The following PLD5 variants were observed in gnomAD, a reference collection of about 807,000 sequenced individuals.
PLD5 encodes the protein phospholipase D family member 5, also known as inactive phospholipase D5.
A neutral mutation model predicts 61.1 loss-of-function variants in PLD5; 36 were observed. The ratio of observed to expected loss-of-function variants is 0.59; its 90% confidence interval spans 0.45 to 0.78. The LOEUF is 0.78. Ranked by LOEUF, PLD5 falls within the 30% of genes least tolerant of loss-of-function variation. PLD5 has a pLI of 0.00. For synonymous variants in PLD5, 243 were observed against 242.8 expected, an observed-to-expected ratio of 1.00 and a Z score of -0.01; for missense variants, 515 against 644.4, an observed-to-expected ratio of 0.80 and a Z score of 2.17.
Position 242,258,261 on chromosome 1 carries a change from A to G in PLD5, c.607+7076T>C, listed in dbSNP as rs190083143. On this transcript the variant is annotated intron_variant, in intron 4 of 9. Transcript: ENST00000536534. Reference sequence around the variant, plus strand: ...GTCTGTAAAGACCCCCACATTTCTTAAAAACCAGCACAGCCTGAATTCTCC... The same window carrying G: ...GTCTGTAAAGACCCCCACATTTCTTGAAAACCAGCACAGCCTGAATTCTCC... Among the ~76,000 whole-genome samples the G allele has an allele frequency of 7.2e-5, 11 of 152,324 alleles. No homozygotes were observed. In the South Asian group the frequency reaches 2.3e-3, roughly 32 times the overall value.
intron 7 of PLD5, among the ~76,000 whole-genome samples, chr1:242,108,340 G>A (rs1364467090): frequency 6.6e-6 from 1 of 152,126 alleles, no homozygotes; most frequent in Non-Finnish European, 1.5e-5. Context: ...TCCTTACCAA[G>A]CCTCCCATGT....
At chr1:242,394,026 C>T (rs1207636723) in intron 1 of PLD5, among the ~76,000 whole-genome samples, 1 of 144,004 alleles carries the variant, frequency 6.9e-6, no homozygotes, top group Non-Finnish European at 1.5e-5. Flanking sequence ...CGCCACTGAA[C>T]TCCAGCCTGG....
rs534200349 is a variant in PLD5 at position 242,148,378 on chromosome 1, C to A, written c.736-23713G>T. ...TGCCTATTCTTTCTATAGTATGACA[C>A]TGTCTAAACTTAGTATAGTAGGTCA... On this transcript the variant is annotated intron_variant, in intron 5 of 9. Coordinates refer to ENST00000536534, the MANE Select transcript of PLD5 (RefSeq NM_001372062.1). Among the ~76,000 whole-genome samples, 135 of 151,444 alleles carry A rather than the reference C, an allele frequency of 8.9e-4. 2 individuals carry two copies. Among genetic ancestry groups the A allele is most frequent in the South Asian group, 1.1e-3 (5 of 4,746 alleles).
intron 1 of PLD5, among the ~76,000 whole-genome samples, chr1:242,350,277 ATAAAT>A (rs1366447563): frequency 4.6e-5 from 7 of 152,200 alleles, no homozygotes; most frequent in African/African-American, 1.7e-4. Flanking sequence ...AAAGACCAAG[ATAAAT>A]TAGATAAATT....
intron 1 of PLD5, among the ~76,000 whole-genome samples, chr1:242,487,714 A>T (rs4658817): frequency 0.12 from 18,314 of 152,156 alleles, 2,016 homozygotes; most frequent in African/African-American, 0.29. Context: ...ACCAAATTTT[A>T]AAATGAGCAA....
chr1:242,257,889 G>A (rs1673169279), intron 4 of PLD5, among the ~76,000 whole-genome samples: 1 of 152,094 alleles, frequency 6.6e-6, no homozygotes, highest in Non-Finnish European at 1.5e-5. Flanking sequence ...GGGAACAAAC[G>A]CCTGGGCCTT....
At chr1:242,231,843 T>C (rs1441550074) in intron 4 of PLD5, among the ~76,000 whole-genome samples, 1 of 149,400 alleles carries the variant, frequency 6.7e-6, no homozygotes, top group Non-Finnish European at 1.5e-5. Flanking sequence ...GAAATTGAAA[T>C]GACTAAAAAA....
chr1:242,177,856 C>G (rs1210782218), intron 5 of PLD5: 1 of 152,228 alleles, frequency 6.6e-6, no homozygotes, highest in Non-Finnish European at 1.5e-5. Context: ...AAATCGCCTT[C>G]CACAAGGTCT....
At chr1:242,352,424 C>T (rs2149225652) in intron 1 of PLD5, among the ~76,000 whole-genome samples, 2 of 152,250 alleles carry the variant, frequency 1.3e-5, no homozygotes, top group Admixed American at 6.5e-5. Context: ...TACATACATT[C>T]CATATTTTCA....
Position 242,089,852 on chromosome 1 carries a change from T to C in PLD5, c.*2A>G, listed in dbSNP as rs918995003. The C allele has an allele frequency of 3.1e-6, 5 of 1,614,132 alleles. No individual in the cohort carries two copies. ...AGCTGTCCTGTCAGTTTCTTCATCA[T>C]GTTATACGTTCCGGGGATCCTTTCC... On this transcript the variant is annotated 3_prime_UTR_variant, in exon 10 of 10. Coordinates refer to ENST00000536534, the MANE Select transcript of PLD5 (RefSeq NM_001372062.1).
intron 1 of PLD5, among the ~76,000 whole-genome samples, chr1:242,370,696 A>G (rs1306409259): frequency 6.6e-6 from 1 of 152,168 alleles, no homozygotes; most frequent in Admixed American, 6.5e-5. Context: ...ATGCACAAGA[A>G]CACACTGTCA....
At chr1:242,466,142 A>G (rs201957574) in intron 1 of PLD5, among the ~76,000 whole-genome samples, 3 of 152,074 alleles carry the variant, frequency 2.0e-5, no homozygotes, top group East Asian at 3.9e-4. Flanking sequence ...CTCTAATTTT[A>G]CTTTTTTCTC....
chr1:242,321,782 C>T (rs1473676532), intron 2 of PLD5, among the ~76,000 whole-genome samples: 4 of 152,256 alleles, frequency 2.6e-5, no homozygotes, highest in Non-Finnish European at 4.4e-5. Context: ...GTGATTCTCC[C>T]TTGTGTGCAC....
intron 4 of PLD5, 22 bp from the exon 5 acceptor site, chr1:242,220,137 G>A (rs765027465): frequency 6.2e-7 from 1 of 1,612,466 alleles, no homozygotes; most frequent in Non-Finnish European, 8.5e-7. Flanking sequence ...AGGACAGTCT[G>A]GTCAGCCTCT....
intron 5 of PLD5, among the ~76,000 whole-genome samples, chr1:242,201,588 C>G (rs1382742474): frequency 6.6e-6 from 1 of 152,086 alleles, no homozygotes; most frequent in Non-Finnish European, 1.5e-5. Flanking sequence ...ATGGTGCCAT[C>G]AAAACCCACT....
At chr1:242,365,791 A>G in intron 1 of PLD5, 1 of 192,584 alleles carries the variant, frequency 5.2e-6, no homozygotes, top group South Asian at 1.1e-4. Context: ...TTTATATATC[A>G]AGCGCACCAT....
intron 6 of PLD5, among the ~76,000 whole-genome samples, chr1:242,118,777 C>T (rs1170678970): frequency 1.3e-5 from 2 of 152,170 alleles, no homozygotes; most frequent in Non-Finnish European, 2.9e-5. Flanking sequence ...TATCAGTCCC[C>T]TTGCACCTGG....
At chr1:242,090,217 A>C in intron 9 of PLD5, 107 bp from the exon 10 acceptor site, 3 of 1,418,546 alleles carry the variant, frequency 2.1e-6, no homozygotes, top group Non-Finnish European at 2.9e-6. Flanking sequence ...AACATCCAGG[A>C]ATAACAACGG....
intron 1 of PLD5, among the ~76,000 whole-genome samples, chr1:242,405,879 G>T (rs1183375751): frequency 6.6e-6 from 1 of 151,966 alleles, no homozygotes; most frequent in East Asian, 1.9e-4. Context: ...TGGGATTACA[G>T]GTGTGAGCCA....
Sources: allele counts gnomAD v4.1 joint callset (sites outside exome capture counted in the v4.1 genomes callset), GRCh38; gene constraint gnomAD v4.1.1; transcripts MANE v1.5; gene names NCBI Gene and HGNC (gene_info 2026-07-23, HGNC 2026-07-21).